The following DPP6 variants were observed in gnomAD, a reference collection of about 807,000 sequenced individuals.
DPP6 encodes the protein A-type potassium channel modulatory protein DPP6.
Under a neutral mutation model 122.6 loss-of-function variants are expected in DPP6, and 69 were observed. The ratio of observed to expected loss-of-function variants is 0.56; its 90% CI spans 0.46 to 0.69. DPP6 has a LOEUF of 0.69. DPP6 is among the 30% of genes least tolerant of loss of function. DPP6 has a pLI of 0.00. For missense variants in DPP6, 928 were observed against 1,116.9 expected, an observed-to-expected ratio of 0.83 and a Z score of 2.41; for synonymous variants, 418 against 433.1, an observed-to-expected ratio of 0.97 and a Z score of 0.43.
intron 5 of DPP6, among the ~76,000 whole-genome samples, chr7:154,569,600 C>T (rs1586650100): frequency 6.6e-6 from 1 of 151,900 alleles, no homozygotes; most frequent in African/African-American, 2.4e-5. Flanking sequence ...ACCAACTCAA[C>T]TTTTCATTAA....
chr7:154,014,013 G>A (rs186843800), intron 1 of DPP6, among the ~76,000 whole-genome samples: 3 of 152,202 alleles, frequency 2.0e-5, no homozygotes, highest in Non-Finnish European at 4.4e-5. Context: ...GCTCTTCCCA[G>A]CCCAGGATTG....
chr7:154,856,136 T>TA (rs1802812203), intron 17 of DPP6, among the ~76,000 whole-genome samples: 5 of 152,226 alleles, frequency 3.3e-5, no homozygotes, highest in Admixed American at 3.3e-4. Context: ...TGTGGTCTAA[T>TA]AAAAAACACA....
chr7:153,837,724 G>T, the DPP6 span, among the ~76,000 whole-genome samples: 1 of 151,614 alleles, frequency 6.6e-6, no homozygotes, highest in African/African-American at 2.4e-5. Flanking sequence ...GATTCACTCT[G>T]CTGCCCAGGC....
intron 1 of DPP6, among the ~76,000 whole-genome samples, chr7:154,329,292 C>T (rs35689686): frequency 0.11 from 16,563 of 152,258 alleles, 1,102 homozygotes; most frequent in South Asian, 0.19. Context: ...CACTGGCCAG[C>T]GTTGCAGCCA....
intron 16 of DPP6, among the ~76,000 whole-genome samples, chr7:154,838,109 C>T (rs537742884): frequency 3.9e-5 from 6 of 152,254 alleles, no homozygotes; most frequent in African/African-American, 7.2e-5. Flanking sequence ...GGTGGCACTC[C>T]GTGTTCACGA....
intron 5 of DPP6, among the ~76,000 whole-genome samples, chr7:154,611,920 T>C (rs1833936119): frequency 1.3e-5 from 2 of 152,140 alleles, no homozygotes; most frequent in Admixed American, 1.3e-4. Context: ...TTATTATATG[T>C]GTAGGTTTGT....
chr7:154,483,143 AG>A lies in DPP6; in HGVS notation c.457+8108del, dbSNP rs1014797244. Among the ~76,000 whole-genome samples, 3 of 152,040 alleles carry A rather than the reference AG, an allele frequency of 2.0e-5. No individual in the cohort carries two copies. The highest frequency in any genetic ancestry group is 7.2e-5 in the African/African-American group (3 of 41,402). ...GGTGTCTGAGGAAGTGTGGTCAGGG[AG>A]GCAGGAGGAGAACTTCTACCACGCC... On this transcript the variant is annotated intron_variant, in intron 3 of 25. Transcript: ENST00000377770. This position sits in a 1 kb window ranked among gnomAD's most constrained non-coding sequence, Gnocchi z 8.1.
intron 2 of DPP6, among the ~76,000 whole-genome samples, chr7:154,471,124 G>A (rs1050206676): frequency 1.3e-5 from 2 of 152,064 alleles, no homozygotes; most frequent in Non-Finnish European, 2.9e-5. Context: ...GGTGGCAGGT[G>A]CCTGTGATCC....
upstream of DPP6, among the ~76,000 whole-genome samples, chr7:154,047,799 G>A: frequency 6.6e-6 from 1 of 151,748 alleles, no homozygotes; most frequent in Non-Finnish European, 1.5e-5. Flanking sequence ...CATGCATGAA[G>A]GCAAGACAAC....
At chr7:153,896,782 C>T (rs1216236634) in intron 1 of DPP6, among the ~76,000 whole-genome samples, 1 of 152,180 alleles carries the variant, frequency 6.6e-6, no homozygotes, top group Non-Finnish European at 1.5e-5. Context: ...CAATGCACTT[C>T]AGCCTGGGTG....
At chr7:154,749,540 G>A (rs1189671843) in intron 8 of DPP6, among the ~76,000 whole-genome samples, 107 of 98,968 alleles carry the variant, frequency 1.1e-3, no homozygotes, top group East Asian at 3.5e-3. Flanking sequence ...TAGGACGGGA[G>A]AGAGAGGGAT....
At chr7:153,761,452 C>A in the DPP6 span, among the ~76,000 whole-genome samples, 1 of 152,220 alleles carries the variant, frequency 6.6e-6, no homozygotes, top group Non-Finnish European at 1.5e-5. Flanking sequence ...CTGGAAGACA[C>A]TATGAAATGA....
At chr7:154,779,957 A>G (rs187643755) in intron 10 of DPP6, among the ~76,000 whole-genome samples, 1 of 152,288 alleles carries the variant, frequency 6.6e-6, no homozygotes, top group East Asian at 1.9e-4. Context: ...CAATTTCACA[A>G]ATGTGCTCTG....
rs377008394 is a variant in DPP6, at chr7:154,476,307, A to G, written c.457+1270A>G. ...CAAGGGCACACAGAAATTAAAAAAC[A>G]AAACAAAACAGCACAGAGGTCTTTT... is the stretch of plus-strand genomic sequence containing the variant. On this transcript the variant is annotated intron_variant, in intron 3 of 25. Coordinates refer to ENST00000377770, the MANE Select transcript of DPP6 (RefSeq NM_130797.4). 9.2e-5 allele frequency among the ~76,000 whole-genome samples: 14 copies of G among 152,350 alleles called. No homozygotes were observed. The East Asian group carries it at 1.5e-3, about 17-fold the overall frequency.
the DPP6 span, among the ~76,000 whole-genome samples, chr7:153,817,586 G>T: frequency 3.4e-4 from 52 of 151,888 alleles, no homozygotes; most frequent in African/African-American, 1.3e-3. Context: ...ATACTATGCA[G>T]CCATCAAAAG....
chr7:154,806,920 C>T, intron 15 of DPP6, 74 bp from the exon 16 acceptor site: 2 of 1,572,424 alleles, frequency 1.3e-6, no homozygotes, highest in African/African-American at 1.3e-5. Flanking sequence ...GGAGAGCCCA[C>T]CAGCTTGCGG....
chr7:154,352,102 C>T (rs1007559027), intron 1 of DPP6, among the ~76,000 whole-genome samples: 3 of 152,064 alleles, frequency 2.0e-5, no homozygotes, highest in Non-Finnish European at 4.4e-5. Flanking sequence ...CTTCCATAGG[C>T]GGACCTGGTC....
intron 1 of DPP6, among the ~76,000 whole-genome samples, chr7:154,183,399 T>G (rs1279510430): frequency 6.6e-6 from 1 of 152,248 alleles, no homozygotes; most frequent in African/African-American, 2.4e-5. Context: ...GTTGAAGTAA[T>G]TGTTTAGTTG....
At chr7:154,658,904 G>T (rs2131032578) in intron 6 of DPP6, among the ~76,000 whole-genome samples, 1 of 152,324 alleles carries the variant, frequency 6.6e-6, no homozygotes, top group South Asian at 2.1e-4. Context: ...GTGTTGATGT[G>T]GAGGAGGTAG....
Sources: gnomAD v4.1 joint callset for allele counts (sites outside exome capture counted in the v4.1 genomes callset) on GRCh38, gnomAD v4.1.1 for gene constraint, Gnocchi (gnomAD v3.1) non-coding constraint, MANE v1.5 for transcripts, NCBI Gene and HGNC (gene_info 2026-07-23, HGNC 2026-07-21) for gene names.